STARD10: variants seen among roughly 807,000 people sequenced by gnomAD.
The protein encoded by STARD10 is START domain-containing protein 10.
A neutral mutation model predicts 36.0 loss-of-function variants in STARD10; 24 were observed. That is an observed-to-expected ratio of 0.67 (90% CI 0.48 to 0.94). The LOEUF (loss-of-function observed/expected upper bound fraction) is 0.94, where lower values mean the gene tolerates loss of function less well. Among genes scored for constraint, STARD10 ranks in the 40% least tolerant of loss-of-function variants. STARD10 has a pLI of 0.00. For missense variants in STARD10, 335 were observed against 396.6 expected (o/e 0.84, Z 1.32); for synonymous variants, 156 against 161.9 (o/e 0.96, Z 0.28).
At chr11:72,763,541 T>C (rs552049077) in intron 2 of STARD10, among the ~76,000 whole-genome samples, 2 of 152,198 alleles carry the variant, frequency 1.3e-5, no homozygotes, top group Admixed American at 1.3e-4. Context: ...ATAACATAAA[T>C]AGAATCACAA....
intron 2 of STARD10, among the ~76,000 whole-genome samples, chr11:72,768,736 C>T (rs1858823087): frequency 6.6e-6 from 1 of 152,232 alleles, no homozygotes; most frequent in African/African-American, 2.4e-5. Context: ...GTCTCCTAGA[C>T]CCCCAGCAGC....
chr11:72,781,893 G>A lies in STARD10; in HGVS notation c.-113-599C>T, dbSNP rs1484197007. 2.0e-5 allele frequency: 3 copies of A among 151,454 alleles called. No individual in the cohort carries two copies. The highest frequency in any genetic ancestry group is 7.3e-5 in the African/African-American group (3 of 41,330). 9.4% of individuals were successfully genotyped at this position (151,454 alleles called of 1,614,324 possible). Reference sequence around the variant, plus strand: ...TCGGGATTTTCCAGGCTGCGGAGGTGAAGCTGACGGATCTCCGAGCCCCGC... The same window carrying A: ...TCGGGATTTTCCAGGCTGCGGAGGTAAAGCTGACGGATCTCCGAGCCCCGC... On this transcript the variant is annotated intron_variant, in intron 1 of 6. Coordinates refer to ENST00000334805, the MANE Select transcript of STARD10 (RefSeq NM_006645.3). The surrounding 1 kb of genome is among the most constrained non-coding windows in gnomAD (Gnocchi z 4.7).
chr11:72,771,027 T>G (rs1858849717), intron 2 of STARD10, among the ~76,000 whole-genome samples: 2 of 152,154 alleles, frequency 1.3e-5, no homozygotes, highest in African/African-American at 2.4e-5. Context: ...TGCTAAGAGG[T>G]TGGTATAATA....
rs1214810388 is a variant in STARD10, at chr11:72,754,879, C to T, written c.*18G>A. 4.4e-6 allele frequency: 7 copies of T among 1,591,536 alleles called. No individual in the cohort carries two copies. Among genetic ancestry groups the T allele is most frequent in the Non-Finnish European group, 6.0e-6 (7 of 1,175,376 alleles). On this transcript the variant is annotated 3_prime_UTR_variant, in exon 7 of 7. Coordinates refer to ENST00000334805, the MANE Select transcript of STARD10 (RefSeq NM_006645.3). Reference sequence around the variant, plus strand: ...GGGCTCGCCCGGTCCTGTCTCCGTCCCTGAAGCGGTGCGGCGCTCAGGTGA... The same window carrying T: ...GGGCTCGCCCGGTCCTGTCTCCGTCTCTGAAGCGGTGCGGCGCTCAGGTGA...
intron 5 of STARD10, 118 bp downstream of exon 5, chr11:72,757,649 T>C: frequency 2.3e-6 from 2 of 871,556 alleles, no homozygotes; most frequent in African/African-American, 1.7e-5. Context: ...TGGATGGAAA[T>C]GCCCCAAAAT....
At chr11:72,780,056 C>A (rs1858972319) in intron 2 of STARD10, 2 of 346,444 alleles carry the variant, frequency 5.8e-6, no homozygotes, top group Admixed American at 3.4e-5. Flanking sequence ...AAGGGCACAG[C>A]CTATTGCCAG....
At position 72,757,724 on chromosome 11, in the gene STARD10, T is replaced by A. The variant is rs372487332; in HGVS notation, c.577+43A>T. Reference sequence around the variant, plus strand: ...TAGATCAGGCCCCACCCCTGTGGTATAGGGAAGGATCCCATGATAGGCTGC... The same window carrying A: ...TAGATCAGGCCCCACCCCTGTGGTAAAGGGAAGGATCCCATGATAGGCTGC... On this transcript the variant is annotated intron_variant, in intron 5 of 6. Transcript: ENST00000334805. 4.5e-6 allele frequency: 7 copies of A among 1,569,092 alleles called. No individual in the cohort carries two copies. The African/African-American group carries it at 6.8e-5, about 15-fold the overall frequency.
At chr11:72,761,485 G>A (rs533087927) in intron 2 of STARD10, among the ~76,000 whole-genome samples, 38 of 152,232 alleles carry the variant, frequency 2.5e-4, no homozygotes, top group African/African-American at 8.9e-4. Flanking sequence ...GGTTGGGCGC[G>A]GTGGCTCATA....
intron 1 of STARD10, among the ~76,000 whole-genome samples, chr11:72,789,339 G>A (rs1859113702): frequency 1.3e-5 from 2 of 152,190 alleles, no homozygotes; most frequent in Non-Finnish European, 2.9e-5. Flanking sequence ...TCCGAGGCCT[G>A]GCCTCTGTCC....
intron 2 of STARD10, among the ~76,000 whole-genome samples, chr11:72,769,821 G>A (rs540935284): frequency 2.9e-4 from 44 of 152,276 alleles, no homozygotes; most frequent in Middle Eastern, 6.8e-3. Context: ...GCCCCAGTTC[G>A]GGTAAGAGTG....
intron 2 of STARD10, among the ~76,000 whole-genome samples, chr11:72,778,621 T>C (rs889455543): frequency 2.6e-5 from 4 of 152,070 alleles, no homozygotes; most frequent in Non-Finnish European, 4.4e-5. Context: ...CTCTCCATTG[T>C]AGGGAGCAAA....
chr11:72,755,302 CA>C, intron 6 of STARD10, 160 bp from the exon 7 acceptor site: 1 of 602,320 alleles, frequency 1.7e-6, no homozygotes, highest in Non-Finnish European at 2.6e-6. Context: ...CTCCATTCTC[CA>C]TTCTTTTTTT....
At chr11:72,774,381 C>T (rs948740034) in intron 2 of STARD10, among the ~76,000 whole-genome samples, 1 of 152,222 alleles carries the variant, frequency 6.6e-6, no homozygotes, top group Non-Finnish European at 1.5e-5. Context: ...CAGAGAACAG[C>T]TCCAGCTGCC....
chr11:72,790,277 G>C (rs1859124859), intron 1 of STARD10: 1 of 152,354 alleles, frequency 6.6e-6, no homozygotes, highest in Non-Finnish European at 1.5e-5. Flanking sequence ...CCATGTGGCT[G>C]TGGGCAGAGC....
At chr11:72,789,943 C>T (rs1483445035) in intron 1 of STARD10, among the ~76,000 whole-genome samples, 2 of 152,180 alleles carry the variant, frequency 1.3e-5, no homozygotes, top group African/African-American at 4.8e-5. Flanking sequence ...GGCTCCGTGA[C>T]TCACTCCTCT....
At chr11:72,791,284 T>G (rs181475271) in intron 1 of STARD10, among the ~76,000 whole-genome samples, 1 of 152,268 alleles carries the variant, frequency 6.6e-6, no homozygotes, top group Non-Finnish European at 1.5e-5. Flanking sequence ...TACCCCAAGG[T>G]AGTCCTTCTC....
chr11:72,763,651 A>G (rs1858749818), intron 2 of STARD10, among the ~76,000 whole-genome samples: 1 of 152,210 alleles, frequency 6.6e-6, no homozygotes, highest in Admixed American at 6.5e-5. Flanking sequence ...GAACTACATT[A>G]GACTGAGGAG....
chr11:72,784,184 C>T (rs1859042509), intron 1 of STARD10, among the ~76,000 whole-genome samples: 1 of 152,170 alleles, frequency 6.6e-6, no homozygotes, highest in Non-Finnish European at 1.5e-5. Flanking sequence ...CTTCTCAAAA[C>T]ACCCCTAAGC....
chr11:72,760,445 C>T (rs929348491), intron 2 of STARD10, among the ~76,000 whole-genome samples: 1 of 152,126 alleles, frequency 6.6e-6, no homozygotes, highest in South Asian at 2.1e-4. Context: ...CCAGGCTGGT[C>T]TCTAACTCCT....
Sources: gnomAD v4.1 joint callset for allele counts (sites outside exome capture counted in the v4.1 genomes callset) on GRCh38, gnomAD v4.1.1 for gene constraint, Gnocchi (gnomAD v3.1) non-coding constraint, MANE v1.5 for transcripts, NCBI Gene and HGNC (gene_info 2026-07-23, HGNC 2026-07-21) for gene names.